DIAPH2: variants seen among roughly 807,000 people sequenced by gnomAD.
DIAPH2 encodes the protein diaphanous related formin 2, also known as protein diaphanous homolog 2.
DIAPH2 carries 35 observed loss-of-function variants against 92.7 expected under a neutral mutation model. The observed-to-expected ratio is 0.38, with a 90% CI of 0.29 to 0.50. DIAPH2 has a LOEUF of 0.50. DIAPH2 is among the 20% of genes least tolerant of loss of function. The probability of loss-of-function intolerance (pLI) is 0.94; values close to 1 mark genes in which losing one functional copy is unlikely to be tolerated. For missense variants in DIAPH2, 701 were observed against 819.5 expected, an observed-to-expected ratio of 0.86 and a Z score of 1.77; for synonymous variants, 301 against 280.4, an observed-to-expected ratio of 1.07 and a Z score of -0.73.
chrX:96,695,860 A>G (rs5949977), intron 1 of DIAPH2, among the ~76,000 whole-genome samples: 6,574 of 111,410 alleles, frequency 0.059, 206 homozygotes, highest in Middle Eastern at 0.16. Context: ...ATTACTGAAC[A>G]TGACAGAGAT....
intron 24 of DIAPH2, among the ~76,000 whole-genome samples, chrX:97,362,503 C>T (rs952109024): frequency 8.9e-6 from 1 of 112,208 alleles, no homozygotes; most frequent in African/African-American, 3.2e-5. Flanking sequence ...TCACTGTTTG[C>T]GTTCTGTCTT....
intron 22 of DIAPH2, among the ~76,000 whole-genome samples, chrX:97,199,665 G>T (rs1244298108): frequency 9.0e-6 from 1 of 111,366 alleles, no homozygotes; most frequent in Non-Finnish European, 1.9e-5. Flanking sequence ...TTTCAACCAG[G>T]GCTTGGTGGA....
At chrX:97,240,499 A>G (rs5921686) in intron 22 of DIAPH2, among the ~76,000 whole-genome samples, 2,654 of 108,980 alleles carry the variant, frequency 0.024, 32 homozygotes, top group Middle Eastern at 0.042. Context: ...CCAGCTACTC[A>G]GGAGGCTGAG....
chrX:97,561,987 A>G (rs1196229101), intron 26 of DIAPH2, among the ~76,000 whole-genome samples: 3 of 112,450 alleles, frequency 2.7e-5, no homozygotes, highest in Non-Finnish European at 5.6e-5. Context: ...GGTAGAATAT[A>G]TTAAATTAGC....
chrX:96,710,857 T>C (rs960748949), intron 1 of DIAPH2, among the ~76,000 whole-genome samples: 2 of 111,219 alleles, frequency 1.8e-5, no homozygotes, highest in Non-Finnish European at 3.8e-5. Flanking sequence ...TCACCCTCCC[T>C]CCTGAAAATT....
At chrX:97,422,202 T>TAC (rs202055477) in intron 25 of DIAPH2, among the ~76,000 whole-genome samples, 401 of 109,605 alleles carry the variant, frequency 3.7e-3, no homozygotes, top group African/African-American at 0.012. Flanking sequence ...TTTGTAAATT[T>TAC]ACACACACAC....
intron 26 of DIAPH2, chrX:97,449,591 G>A (rs2070341801): frequency 4.0e-6 from 2 of 497,507 alleles, no homozygotes; most frequent in South Asian, 1.1e-4. Flanking sequence ...TTGTTGGGAA[G>A]GGGTGGAGGA....
At chrX:97,015,659 A>G (rs753426753) in intron 17 of DIAPH2, among the ~76,000 whole-genome samples, 8 of 110,946 alleles carry the variant, frequency 7.2e-5, no homozygotes, top group Admixed American at 1.9e-4. Flanking sequence ...GCTTTGTAAC[A>G]CATCTTCCTC....
chrX:96,736,340 C>G (rs769106846), intron 2 of DIAPH2, among the ~76,000 whole-genome samples: 3 of 110,271 alleles, frequency 2.7e-5, no homozygotes, highest in African/African-American at 9.9e-5. Flanking sequence ...TACCTATTTA[C>G]AAATAATTTA....
At chrX:96,946,217 A>C (rs2065737552) in intron 14 of DIAPH2, among the ~76,000 whole-genome samples, 1 of 111,975 alleles carries the variant, frequency 8.9e-6, no homozygotes, top group Non-Finnish European at 1.9e-5. Flanking sequence ...AATTGTATTC[A>C]GATCTAAGCT....
At chrX:97,475,612 G>A (rs1480821250) in intron 26 of DIAPH2, among the ~76,000 whole-genome samples, 1 of 111,566 alleles carries the variant, frequency 9.0e-6, no homozygotes, top group Non-Finnish European at 1.9e-5. Flanking sequence ...AGAGTCATCT[G>A]AAATAGAGAT....
chrX:97,585,998 C>A, intron 26 of DIAPH2, among the ~76,000 whole-genome samples: 1 of 111,864 alleles, frequency 8.9e-6, no homozygotes, highest in African/African-American at 3.3e-5. Flanking sequence ...ATGGACTCTT[C>A]TTCCTATACT....
intron 21 of DIAPH2, among the ~76,000 whole-genome samples, chrX:97,137,550 T>G (rs1602367081): frequency 9.1e-6 from 1 of 109,847 alleles, no homozygotes; most frequent in East Asian, 2.9e-4. Flanking sequence ...TAATTGCTTC[T>G]AAGATAGAGA....
intron 5 of DIAPH2, among the ~76,000 whole-genome samples, chrX:96,895,714 G>C (rs990215366): frequency 2.7e-5 from 3 of 111,777 alleles, no homozygotes; most frequent in East Asian, 2.8e-4. Flanking sequence ...ACTCCATTTG[G>C]AGACAAAAAT....
chrX:97,473,327 A>G (rs1402910345), intron 26 of DIAPH2, among the ~76,000 whole-genome samples: 2 of 110,824 alleles, frequency 1.8e-5, no homozygotes, highest in Non-Finnish European at 3.8e-5. Flanking sequence ...TTTTTAAAAA[A>G]TTAATTAATT....
At chrX:97,495,614 A>G (rs1357506751) in intron 26 of DIAPH2, among the ~76,000 whole-genome samples, 1 of 112,019 alleles carries the variant, frequency 8.9e-6, no homozygotes, top group Non-Finnish European at 1.9e-5. Context: ...AAAATTCCCA[A>G]GACTATTAAG....
chrX:97,561,023 G>A (rs1037828603), intron 26 of DIAPH2, among the ~76,000 whole-genome samples: 1 of 111,890 alleles, frequency 8.9e-6, no homozygotes, highest in Non-Finnish European at 1.9e-5. Context: ...AGCATCTGGG[G>A]GGAAGGGGGA....
At chrX:97,340,022 C>G (rs1362253570) in intron 23 of DIAPH2, among the ~76,000 whole-genome samples, 1 of 111,727 alleles carries the variant, frequency 9.0e-6, no homozygotes, top group Non-Finnish European at 1.9e-5. Flanking sequence ...GTTGCTTAAA[C>G]AGATGGGAAG....
In DIAPH2 at chrX:97,255,065, C is replaced by T. The variant is rs1232828383; in HGVS notation, c.2844+7226C>T. ...AGAGGTTCAACCATGTACAGGAGAT[C>T]ACATAGGTAATATGTGTGGTTCATG... On this transcript the variant is annotated intron_variant, in intron 23 of 26. Transcript: ENST00000324765. 3.6e-5 allele frequency among the ~76,000 whole-genome samples: 4 copies of T among 111,387 alleles called. No individual in the cohort carries two copies. In the East Asian group the frequency reaches 1.1e-3, roughly 31 times the overall value.
Sources: gnomAD v4.1 joint callset for allele counts (sites outside exome capture counted in the v4.1 genomes callset) on GRCh38, gnomAD v4.1.1 for gene constraint, MANE v1.5 for transcripts, NCBI Gene and HGNC (gene_info 2026-07-23, HGNC 2026-07-21) for gene names.